FOXP1: variants seen among roughly 807,000 people sequenced by gnomAD.
FOXP1 encodes forkhead box P1.
FOXP1 carries 15 observed loss-of-function variants against 98.2 expected under a neutral mutation model. That is an observed-to-expected ratio of 0.15 (90% confidence interval 0.10 to 0.24). The LOEUF (loss-of-function observed/expected upper bound fraction) is 0.24, where lower values mean the gene tolerates loss of function less well. Ranked by LOEUF, FOXP1 falls within the 10% of genes least tolerant of loss-of-function variation. The probability of loss-of-function intolerance (pLI) is 1.00; values close to 1 mark genes in which losing one functional copy is unlikely to be tolerated. For synonymous variants in FOXP1, 371 were observed against 314.5 expected (o/e 1.18, Z -1.90); for missense variants, 633 against 848.5 (o/e 0.75, Z 3.15).
intron 4 of FOXP1, among the ~76,000 whole-genome samples, chr3:71,325,901 G>A (rs748807371): frequency 1.3e-5 from 2 of 152,078 alleles, no homozygotes; most frequent in Non-Finnish European, 2.9e-5. Flanking sequence ...AGAAGAGAAC[G>A]CCTGATGAAT....
intron 11 of FOXP1, among the ~76,000 whole-genome samples, chr3:71,019,833 T>C (rs1559737008): frequency 6.8e-6 from 1 of 147,192 alleles, no homozygotes; most frequent in Non-Finnish European, 1.5e-5. Context: ...CGAGACACGG[T>C]CCCCCCCCCA....
At chr3:71,439,893 C>A (rs754840120) in intron 3 of FOXP1, among the ~76,000 whole-genome samples, 9 of 145,678 alleles carry the variant, frequency 6.2e-5, no homozygotes, top group Non-Finnish European at 1.3e-4. Context: ...TTTCATTGAT[C>A]GGAGATTGCA....
At chr3:71,061,512 A>G (rs1204139164) in intron 7 of FOXP1, among the ~76,000 whole-genome samples, 3 of 152,186 alleles carry the variant, frequency 2.0e-5, no homozygotes, top group African/African-American at 7.2e-5. Context: ...GTAACCTAAT[A>G]TTTGCAAGCG....
chr3:71,510,591 G>A (rs72961269), intron 2 of FOXP1, among the ~76,000 whole-genome samples: 1 of 152,282 alleles, frequency 6.6e-6, no homozygotes, highest in African/African-American at 2.4e-5. Context: ...CTTCCCCCTA[G>A]ACACTTATGT....
Position 71,000,043 on chromosome 3 carries a change from T to C in FOXP1, c.1062+929A>G, listed in dbSNP as rs142035781. On this transcript the variant is annotated intron_variant, in intron 13 of 20. Coordinates refer to ENST00000649528, the MANE Select transcript of FOXP1 (RefSeq NM_001349338.3). ...AAATGGGGTTTGCAGGGTCAGGCTG[T>C]TGCAATTGTACATTTTAATAATCTC... Among the ~76,000 whole-genome samples, 384 of 152,312 alleles carry C rather than the reference T, an allele frequency of 2.5e-3. 1 individual carries two copies. The highest frequency in any genetic ancestry group is 9.0e-3 in the African/African-American group (372 of 41,564).
intron 5 of FOXP1, among the ~76,000 whole-genome samples, chr3:71,250,565 G>C (rs752101520): frequency 6.6e-6 from 1 of 152,200 alleles, no homozygotes; most frequent in East Asian, 1.9e-4. Context: ...TTGGTTTCCA[G>C]TACAAAATTC....
At chr3:71,546,568 G>T (rs1414019606) in intron 2 of FOXP1, among the ~76,000 whole-genome samples, 2 of 151,928 alleles carry the variant, frequency 1.3e-5, no homozygotes, top group Non-Finnish European at 2.9e-5. Context: ...ATGATGCAGG[G>T]TTGAATAAAG....
At chr3:71,463,877 C>A (rs1416869435) in intron 3 of FOXP1, among the ~76,000 whole-genome samples, 1 of 152,100 alleles carries the variant, frequency 6.6e-6, no homozygotes, top group Non-Finnish European at 1.5e-5. Flanking sequence ...AAGAGGAAGA[C>A]ACTGGCAAGA....
At chr3:71,076,002 G>T (rs1007990374) in intron 7 of FOXP1, among the ~76,000 whole-genome samples, 4 of 152,204 alleles carry the variant, frequency 2.6e-5, no homozygotes, top group Non-Finnish European at 4.4e-5. Flanking sequence ...TTACAGGAGT[G>T]AGCCATTGTG....
intron 7 of FOXP1, among the ~76,000 whole-genome samples, chr3:71,077,400 GGAAAGACAGCTAAAGACCTGTT>G (rs2053911646): frequency 6.6e-6 from 1 of 152,132 alleles, no homozygotes; most frequent in Non-Finnish European, 1.5e-5. Context: ...GGGGAGTGGG[GGAAAGACAGCTAAAGACCTGTT>G]TATAGTACAG....
At chr3:71,228,952 C>A (rs1221126479) in intron 5 of FOXP1, among the ~76,000 whole-genome samples, 2 of 134,548 alleles carry the variant, frequency 1.5e-5, no homozygotes, top group Admixed American at 1.6e-4. Context: ...TAGTAAAATG[C>A]TTTTACTGTT....
intron 3 of FOXP1, among the ~76,000 whole-genome samples, chr3:71,414,689 G>T (rs746874583): frequency 6.6e-6 from 1 of 152,226 alleles, no homozygotes; most frequent in Non-Finnish European, 1.5e-5. Context: ...GAGGACAAGC[G>T]GAGCCCTGGC....
chr3:71,059,548 A>T lies in FOXP1; in HGVS notation c.283-5775T>A, dbSNP rs551460166. ...ATACAGGAAACAATGGAAGCTACACATGAAAATAATCACTCAATAAGCACT... is the reference window on the plus strand; with the variant it reads ...ATACAGGAAACAATGGAAGCTACACTTGAAAATAATCACTCAATAAGCACT... On this transcript the variant is annotated intron_variant, in intron 7 of 20. Transcript: ENST00000649528. Among the ~76,000 whole-genome samples, 14 of 152,300 alleles carry T rather than the reference A, an allele frequency of 9.2e-5. No individual in the cohort carries two copies. In the South Asian group the frequency reaches 2.9e-3, roughly 32 times the overall value.
intron 6 of FOXP1, among the ~76,000 whole-genome samples, chr3:71,122,412 G>A (rs541882454): frequency 6.6e-6 from 1 of 152,258 alleles, no homozygotes; most frequent in East Asian, 1.9e-4. Flanking sequence ...CTCACTACTG[G>A]CCAAATATTA....
rs2031954102 is a variant in FOXP1 at position 70,956,833 on chromosome 3, T to C, written c.*2414A>G. The C allele has an allele frequency of 5.6e-6, 1 of 178,990 alleles. No homozygotes were observed. Among genetic ancestry groups the C allele is most frequent in the African/African-American group, 2.7e-5 (1 of 36,992 alleles). The allele number at this position is 178,990 out of a possible 1,614,324, so 11.1% of individuals were successfully genotyped here. On this transcript the variant is annotated 3_prime_UTR_variant, in exon 21 of 21. Coordinates refer to ENST00000649528, the MANE Select transcript of FOXP1 (RefSeq NM_001349338.3). ...AGAAAGCAGAGTGAAGCTTCAAAAG[T>C]AACTGCCAGAGAAGTTTTTGTACCA...
intron 4 of FOXP1, among the ~76,000 whole-genome samples, chr3:71,343,312 A>G (rs933411729): frequency 3.9e-5 from 6 of 152,288 alleles, no homozygotes; most frequent in African/African-American, 7.2e-5. Context: ...ATGTGCATAC[A>G]TTGATTTTTT....
intron 2 of FOXP1, among the ~76,000 whole-genome samples, chr3:71,533,215 G>A (rs1322301138): frequency 6.6e-6 from 1 of 152,088 alleles, no homozygotes; most frequent in East Asian, 1.9e-4. Flanking sequence ...GTTGAGCCTT[G>A]AACAACCTGG....
At chr3:71,368,238 C>T (rs969272041) in intron 3 of FOXP1, among the ~76,000 whole-genome samples, 2 of 152,180 alleles carry the variant, frequency 1.3e-5, no homozygotes, top group African/African-American at 4.8e-5. Flanking sequence ...GATTCTCCTG[C>T]CTCAGCCTCC....
At chr3:71,402,434 G>A (rs533475595) in intron 3 of FOXP1, among the ~76,000 whole-genome samples, 57 of 151,936 alleles carry the variant, frequency 3.8e-4, no homozygotes, top group Admixed American at 9.8e-4. Flanking sequence ...CAGCCTGGGC[G>A]AAAAAATGAG....
Sources: allele counts gnomAD v4.1 joint callset (sites outside exome capture counted in the v4.1 genomes callset), GRCh38; gene constraint gnomAD v4.1.1; transcripts MANE v1.5; gene names NCBI Gene and HGNC (gene_info 2026-07-23, HGNC 2026-07-21).